HS2ST1: variants seen among roughly 807,000 people sequenced by gnomAD.
HS2ST1 encodes 2-O-sulfotransferase.
HS2ST1 carries 18 observed loss-of-function variants against 42.9 expected under a neutral mutation model. The observed-to-expected ratio is 0.42, with a 90% CI of 0.29 to 0.62. The LOEUF (loss-of-function observed/expected upper bound fraction) is 0.62, where lower values mean the gene tolerates loss of function less well. Ranked by LOEUF, HS2ST1 falls within the 20% of genes least tolerant of loss-of-function variation. The pLI, the probability that HS2ST1 is intolerant of heterozygous loss-of-function variation, is 0.21. For synonymous variants in HS2ST1, 146 were observed against 152.9 expected (o/e 0.95, Z 0.33); for missense variants, 334 against 433.8 (o/e 0.77, Z 2.04).
chr1:87,025,160 C>G (rs1028123344), intron 1 of HS2ST1, among the ~76,000 whole-genome samples: 1 of 136,042 alleles, frequency 7.4e-6, no homozygotes, highest in Non-Finnish European at 1.6e-5. Context: ...CTGCTGAAAG[C>G]AGCTAACACT....
intron 1 of HS2ST1, chr1:86,932,277 AAAGAT>A (rs1198803976): frequency 1.3e-5 from 2 of 152,160 alleles, no homozygotes. Context: ...TAGAGAGTAA[AAAGAT>A]AAGAGACTGG....
At chr1:86,986,535 T>C (rs540197838) in intron 1 of HS2ST1, among the ~76,000 whole-genome samples, 1 of 152,304 alleles carries the variant, frequency 6.6e-6, no homozygotes, top group African/African-American at 2.4e-5. Context: ...GACATTAAGG[T>C]TGTTAATTAG....
intron 1 of HS2ST1, chr1:87,044,829 G>A (rs539678652): frequency 5.8e-5 from 38 of 658,118 alleles, no homozygotes; most frequent in African/African-American, 5.5e-4. Flanking sequence ...CAAGTCACTG[G>A]TGTCCATTTT....
At chr1:86,925,211 C>T (rs992236195) in intron 1 of HS2ST1, among the ~76,000 whole-genome samples, 1 of 152,182 alleles carries the variant, frequency 6.6e-6, no homozygotes, top group Non-Finnish European at 1.5e-5. Flanking sequence ...CCATCTGAGA[C>T]CACCTTAGAC....
rs932006124 is a variant in HS2ST1, at chr1:86,982,881, C to T, written c.124+67721C>T. Among the ~76,000 whole-genome samples, 3 of 152,188 alleles carry T rather than the reference C, an allele frequency of 2.0e-5. No individual in the cohort carries two copies. In the South Asian group the frequency reaches 6.2e-4, roughly 31 times the overall value. On this transcript the variant is annotated intron_variant, in intron 1 of 6. Transcript: ENST00000370550. ...CTGTCAGATAACCTAAATCGTCTCT[C>T]TCAAGTTCAAAGTTCTGCAGATCTC...
chr1:86,929,974 A>G (rs996620217), intron 1 of HS2ST1, among the ~76,000 whole-genome samples: 1 of 151,852 alleles, frequency 6.6e-6, no homozygotes, highest in African/African-American at 2.4e-5. Flanking sequence ...AAATTCTTGA[A>G]TCTTACACAG....
intron 1 of HS2ST1, among the ~76,000 whole-genome samples, chr1:87,070,829 T>G (rs1651384547): frequency 6.6e-6 from 1 of 152,192 alleles, no homozygotes; most frequent in Non-Finnish European, 1.5e-5. Context: ...ACTTGCCTTT[T>G]AAATATTGGT....
At chr1:87,060,657 A>G (rs995688298) in intron 1 of HS2ST1, among the ~76,000 whole-genome samples, 1 of 152,206 alleles carries the variant, frequency 6.6e-6, no homozygotes, top group East Asian at 1.9e-4. Context: ...GCTATTACCA[A>G]TACTATTTTT....
chr1:86,970,644 T>G (rs1255477731), intron 1 of HS2ST1, among the ~76,000 whole-genome samples: 1 of 152,192 alleles, frequency 6.6e-6, no homozygotes, highest in East Asian at 1.9e-4. Flanking sequence ...TCCACCCTCC[T>G]TGGCCTCCCA....
chr1:86,959,366 G>A (rs1426195547), intron 1 of HS2ST1, among the ~76,000 whole-genome samples: 1 of 152,130 alleles, frequency 6.6e-6, no homozygotes, highest in Non-Finnish European at 1.5e-5. Flanking sequence ...ACTAATAAGT[G>A]ATTATAGCAG....
intron 1 of HS2ST1, among the ~76,000 whole-genome samples, chr1:87,021,257 T>C (rs1041193548): frequency 1.3e-5 from 2 of 152,150 alleles, no homozygotes; most frequent in Non-Finnish European, 2.9e-5. Context: ...TCCCAGAATA[T>C]ATTTTGAATT....
Position 86,955,646 on chromosome 1 carries a change from C to T in HS2ST1, c.124+40486C>T, listed in dbSNP as rs117132578. Among the ~76,000 whole-genome samples, 102 of 152,178 alleles carry T rather than the reference C, an allele frequency of 6.7e-4. 2 individuals are homozygous for T. The East Asian group carries it at 0.018, about 27-fold the overall frequency. ...ACCTAGAGTATATAAAGAAATTGGACACTTTTTGGCTTCTTTTGGTTTTCT... is the reference window on the plus strand; with the variant it reads ...ACCTAGAGTATATAAAGAAATTGGATACTTTTTGGCTTCTTTTGGTTTTCT... On this transcript the variant is annotated intron_variant, in intron 1 of 6. Transcript: ENST00000370550.
At chr1:87,043,900 T>C (rs753861310) in intron 1 of HS2ST1, among the ~76,000 whole-genome samples, 6 of 152,104 alleles carry the variant, frequency 3.9e-5, no homozygotes, top group Non-Finnish European at 7.4e-5. Context: ...ATTATAATAG[T>C]AATGTTTATT....
intron 2 of HS2ST1, among the ~76,000 whole-genome samples, chr1:87,074,887 C>T (rs1042233987): frequency 6.6e-6 from 1 of 152,062 alleles, no homozygotes; most frequent in African/African-American, 2.4e-5. Context: ...AACAAATGTT[C>T]TTTATATACC....
At chr1:87,001,596 G>C (rs948594289) in intron 1 of HS2ST1, among the ~76,000 whole-genome samples, 7 of 152,194 alleles carry the variant, frequency 4.6e-5, no homozygotes, top group African/African-American at 1.7e-4. Context: ...TTTATGAAAA[G>C]TTGTTATTGT....
At chr1:87,013,825 C>G (rs967329852) in intron 1 of HS2ST1, among the ~76,000 whole-genome samples, 1 of 152,176 alleles carries the variant, frequency 6.6e-6, no homozygotes, top group Non-Finnish European at 1.5e-5. Flanking sequence ...GAAATTTCTT[C>G]CACCAGATAC....
At chr1:87,024,508 A>G (rs1650036362) in intron 1 of HS2ST1, among the ~76,000 whole-genome samples, 1 of 151,868 alleles carries the variant, frequency 6.6e-6, no homozygotes, top group Non-Finnish European at 1.5e-5. Flanking sequence ...CTCAAAGAAA[A>G]AAAAAAAAAA....
At position 86,963,304 on chromosome 1, in the gene HS2ST1, C is replaced by T. The variant is rs143776413; in HGVS notation, c.124+48144C>T. ...TGGTTTTCCTAGGCAGAGGATCCTGCGGCCTACCGCAGTGTTTGTGTCCGT... is the reference window on the plus strand; with the variant it reads ...TGGTTTTCCTAGGCAGAGGATCCTGTGGCCTACCGCAGTGTTTGTGTCCGT... On this transcript the variant is annotated intron_variant, in intron 1 of 6. Coordinates refer to ENST00000370550, the MANE Select transcript of HS2ST1 (RefSeq NM_012262.4). Among the ~76,000 whole-genome samples, 25 of 152,138 alleles carry T rather than the reference C, an allele frequency of 1.6e-4. No homozygotes were observed. In the East Asian group the frequency reaches 3.3e-3, roughly 20 times the overall value.
intron 1 of HS2ST1, among the ~76,000 whole-genome samples, chr1:87,006,990 T>C (rs1557513225): frequency 1.3e-5 from 2 of 152,188 alleles, no homozygotes; most frequent in Admixed American, 1.3e-4. Context: ...AAAGAGAAGA[T>C]ATTTTAGACT....
Sources: gnomAD v4.1 joint callset for allele counts (sites outside exome capture counted in the v4.1 genomes callset) on GRCh38, gnomAD v4.1.1 for gene constraint, MANE v1.5 for transcripts, NCBI Gene and HGNC (gene_info 2026-07-23, HGNC 2026-07-21) for gene names.